The following ZNF365 variants were observed in gnomAD, a reference collection of about 807,000 sequenced individuals.
The protein encoded by ZNF365 is zinc finger protein 365.
A neutral mutation model predicts 35.0 loss-of-function variants in ZNF365; 22 were observed. That is an observed-to-expected ratio of 0.63 (90% CI 0.45 to 0.90). ZNF365 has a LOEUF of 0.90. ZNF365 is among the 40% of genes least tolerant of loss of function. The pLI, the probability that ZNF365 is intolerant of heterozygous loss-of-function variation, is 0.00. For synonymous variants in ZNF365, 188 were observed against 196.2 expected (o/e 0.96, Z 0.35); for missense variants, 448 against 500.3 (o/e 0.90, Z 1.00).
At chr10:62,414,594 C>A (rs1011238981) in intron 3 of ZNF365, among the ~76,000 whole-genome samples, 6 of 152,114 alleles carry the variant, frequency 3.9e-5, no homozygotes, top group Non-Finnish European at 7.4e-5. Flanking sequence ...CCAGGTAATG[C>A]ATCTTCTTTT....
intron 3 of ZNF365, among the ~76,000 whole-genome samples, chr10:62,455,079 A>C (rs10995164): frequency 0.017 from 2,521 of 152,262 alleles, 80 homozygotes; most frequent in African/African-American, 0.056. Flanking sequence ...TTAGAATAAG[A>C]AGGCTTTGGT....
chr10:62,379,024 A>AT (rs35163241), intron 2 of ZNF365, among the ~76,000 whole-genome samples: 3,022 of 138,960 alleles, frequency 0.022, 44 homozygotes, highest in Non-Finnish European at 0.028. Flanking sequence ...TTACGAGTTG[A>AT]TTTTTTTTTT....
chr10:62,437,403 G>A (rs889450681), intron 3 of ZNF365, among the ~76,000 whole-genome samples: 3 of 152,182 alleles, frequency 2.0e-5, no homozygotes, highest in African/African-American at 4.8e-5. Flanking sequence ...TTCTACGCAC[G>A]TCATAGAGTA....
chr10:62,456,871 T>C (rs998721045), intron 3 of ZNF365, among the ~76,000 whole-genome samples: 8 of 152,128 alleles, frequency 5.3e-5, no homozygotes, highest in Admixed American at 3.9e-4. Flanking sequence ...AACTCAGTGA[T>C]TACAACAATA....
rs1483099886 is a variant in ZNF365, at chr10:62,376,267, C to A, written c.74C>A (p.Pro25Gln). 1.9e-6 allele frequency: 3 copies of A among 1,614,018 alleles called. No homozygotes were observed. The highest frequency in any genetic ancestry group is 2.7e-5 in the African/African-American group (2 of 74,910). Residue 25 changes from proline to glutamine, a missense_variant, in exon 2 of 5, where the codon CCA (proline) becomes CAA (glutamine). By Grantham distance (76) the Pro-to-Gln change is moderately conservative. This residue lies in a region of ZNF365 where 76 missense variants were observed against 96.7 expected (regional missense o/e 0.79). Transcript: ENST00000395254. ...TTTGAGAATGTTGCTGTGTGCCTGC[C>A]ATTACGCTGCCCGAGGTGTGGAGAC... ...ESFENVAVCL[P>Q]LRCPRCGDHT... is the part of the protein sequence containing the mutation.
intron 3 of ZNF365, among the ~76,000 whole-genome samples, chr10:62,411,198 G>A (rs1839979772): frequency 6.6e-6 from 1 of 152,112 alleles, no homozygotes; most frequent in Admixed American, 6.5e-5. Context: ...CAGAGGGATA[G>A]ATTGCAAAAA....
chr10:62,419,091 A>C (rs927095562), intron 3 of ZNF365, among the ~76,000 whole-genome samples: 1 of 152,110 alleles, frequency 6.6e-6, no homozygotes, highest in Non-Finnish European at 1.5e-5. Flanking sequence ...TGGTCAATAT[A>C]TCTAATGAAA....
chr10:62,476,324 G>A (rs868713551), intron 4 of ZNF365, among the ~76,000 whole-genome samples: 1 of 152,168 alleles, frequency 6.6e-6, no homozygotes, highest in African/African-American at 2.4e-5. Flanking sequence ...CCTGATTTGG[G>A]AGGAAAAGTG....
chr10:62,384,202 C>A (rs868673157), intron 2 of ZNF365, among the ~76,000 whole-genome samples: 8 of 151,950 alleles, frequency 5.3e-5, no homozygotes, highest in Admixed American at 1.3e-4. Flanking sequence ...TGCACCCACA[C>A]CCTGATTGAG....
downstream of ZNF365, among the ~76,000 whole-genome samples, chr10:62,402,981 A>G (rs183370853): frequency 6.6e-6 from 1 of 152,336 alleles, no homozygotes; most frequent in Admixed American, 6.5e-5. Context: ...AGGTGACCTT[A>G]GTCTGCACTT....
chr10:62,401,920 G>GT lies in ZNF365; in HGVS notation c.*2138dup, dbSNP rs1209396661. The GT allele has an allele frequency of 9.1e-6, 9 of 984,428 alleles. No individual in the cohort carries two copies. The African/African-American group carries it at 1.4e-4, about 15-fold the overall frequency. The allele number at this position is 984,428 out of a possible 1,614,324, so 61.0% of individuals were successfully genotyped here. On this transcript the variant is annotated 3_prime_UTR_variant, in exon 5 of 5. Transcript: ENST00000395254. ...TGAGATTTGTTTATTATATTAAAAT[G>GT]TTTTTTTACGTTCCCACTAAATTTT...
rs2132429750 is a variant in ZNF365, at chr10:62,400,152, A to G, written c.*363A>G. ...GCCACACAAAATGTCAGGCCTAGGG[A>G]GAAAATTCATCTGTGCCCACTGCTC... On this transcript the variant is annotated 3_prime_UTR_variant, in exon 5 of 5. Coordinates refer to ENST00000395254, the MANE Select transcript of ZNF365 (RefSeq NM_014951.3). The G allele has an allele frequency of 1.9e-6, 2 of 1,027,024 alleles. No homozygotes were observed. The highest frequency in any genetic ancestry group is 2.3e-6 in the Non-Finnish European group (2 of 854,690). 63.6% of individuals were successfully genotyped at this position (1,027,024 alleles called of 1,614,324 possible).
At chr10:62,452,993 T>C (rs1169134944) in intron 3 of ZNF365, among the ~76,000 whole-genome samples, 1 of 152,142 alleles carries the variant, frequency 6.6e-6, no homozygotes, top group Non-Finnish European at 1.5e-5. Context: ...ATTGGTAACA[T>C]TTTTTTAAAT....
chr10:62,475,409 C>G (rs1841113145), intron 4 of ZNF365, among the ~76,000 whole-genome samples: 1 of 152,130 alleles, frequency 6.6e-6, no homozygotes, highest in African/African-American at 2.4e-5. Context: ...TTGGGCAACA[C>G]AGGGAGACCC....
intron 3 of ZNF365, among the ~76,000 whole-genome samples, chr10:62,412,436 G>T (rs905658393): frequency 4.6e-5 from 7 of 152,106 alleles, no homozygotes; most frequent in Admixed American, 1.3e-4. Flanking sequence ...GTTCTGGCCA[G>T]GGCAATCAGG....
chr10:62,383,879 G>C (rs1178447021), intron 2 of ZNF365, among the ~76,000 whole-genome samples: 1 of 152,156 alleles, frequency 6.6e-6, no homozygotes, highest in African/African-American at 2.4e-5. Context: ...TGAAGGTTTG[G>C]CTCTCTGGAA....
intron 4 of ZNF365, chr10:62,459,867 G>A (rs1840819408): frequency 1.4e-6 from 2 of 1,416,284 alleles, no homozygotes; most frequent in East Asian, 4.8e-5. Flanking sequence ...GGGTCCATAT[G>A]AGAGAGACTG....
chr10:62,453,150 A>C (rs1840710056), intron 3 of ZNF365, among the ~76,000 whole-genome samples: 1 of 152,238 alleles, frequency 6.6e-6, no homozygotes. Flanking sequence ...TTTTTAAATA[A>C]ATTGATGAGG....
At chr10:62,438,588 A>C (rs1287825059) in intron 3 of ZNF365, among the ~76,000 whole-genome samples, 2 of 152,206 alleles carry the variant, frequency 1.3e-5, no homozygotes, top group Non-Finnish European at 2.9e-5. Context: ...AAAGGAAAAA[A>C]ACATGAAGGG....
Sources: gnomAD v4.1 joint callset for allele counts (sites outside exome capture counted in the v4.1 genomes callset) on GRCh38, gnomAD v4.1.1 for gene constraint, gnomAD v4.1.1 regional missense constraint, MANE v1.5 for transcripts, NCBI Gene and HGNC (gene_info 2026-07-23, HGNC 2026-07-21) for gene names.